Variants in ARFGEF1 observed in about 807,000 individuals in gnomAD.
ARFGEF1 encodes the protein ARF guanine nucleotide exchange factor 1.
Under a neutral mutation model 231.0 loss-of-function variants are expected in ARFGEF1, and 42 were observed. The ratio of observed to expected loss-of-function variants is 0.18; its 90% CI spans 0.14 to 0.24. ARFGEF1 has a LOEUF of 0.24. Among genes scored for constraint, ARFGEF1 ranks in the 10% least tolerant of loss-of-function variants. The pLI, the probability that ARFGEF1 is intolerant of heterozygous loss-of-function variation, is 1.00. For missense variants in ARFGEF1, 1,345 were observed against 2,192.0 expected (o/e 0.61, Z 7.72); for synonymous variants, 710 against 732.3 (o/e 0.97, Z 0.49).
chr8:67,296,824 T>A (rs1283983398), intron 4 of ARFGEF1, among the ~76,000 whole-genome samples: 2 of 151,858 alleles, frequency 1.3e-5, no homozygotes, highest in Non-Finnish European at 2.9e-5. Flanking sequence ...CTAATTTTGT[T>A]TTATTTTTCT....
chr8:67,257,647 A>G, intron 17 of ARFGEF1, 85 bp downstream of exon 17: 1 of 1,153,452 alleles, frequency 8.7e-7, no homozygotes, highest in Non-Finnish European at 1.3e-6. Flanking sequence ...AATAAAACTA[A>G]AATTTCAACT....
chr8:67,315,060 A>G (rs774847548), intron 1 of ARFGEF1, among the ~76,000 whole-genome samples: 2 of 152,168 alleles, frequency 1.3e-5, no homozygotes, highest in African/African-American at 2.4e-5. Flanking sequence ...CCTATATGAT[A>G]TAGTAGGATG....
At chr8:67,319,087 G>T (rs1172410712) in intron 1 of ARFGEF1, among the ~76,000 whole-genome samples, 2 of 151,972 alleles carry the variant, frequency 1.3e-5, no homozygotes. Context: ...AAAGATCAAA[G>T]AACTAAAAAA....
In ARFGEF1 at chr8:67,227,656, T is replaced by C. The variant is rs1288858743; in HGVS notation, c.3592-58A>G. The C allele has an allele frequency of 4.5e-6, 7 of 1,551,700 alleles. No homozygotes were observed. The Admixed American group carries it at 1.1e-4, about 25-fold the overall frequency. Reference sequence around the variant, plus strand: ...TAATATCAGCAGTAAAAATCTACAATTCTTTATTTTTTGTTTTAGAAAAAG... The same window carrying C: ...TAATATCAGCAGTAAAAATCTACAACTCTTTATTTTTTGTTTTAGAAAAAG... On this transcript the variant is annotated intron_variant, in intron 25 of 38. Transcript: ENST00000262215.
In ARFGEF1 at chr8:67,328,682, G is replaced by T. The variant is rs1044041593; in HGVS notation, c.124+14482C>A. Among the ~76,000 whole-genome samples, 6 of 152,240 alleles carry T rather than the reference G, an allele frequency of 3.9e-5. No homozygotes were observed. In the East Asian group the frequency reaches 1.2e-3, roughly 29 times the overall value. On this transcript the variant is annotated intron_variant, in intron 1 of 38. Coordinates refer to ENST00000262215, the MANE Select transcript of ARFGEF1 (RefSeq NM_006421.5). Reference sequence around the variant, plus strand: ...AATTTTCCCTCATTTCTGCAACATAGTGGTCATTTGTAAGGATACATCAAG... The same window carrying T: ...AATTTTCCCTCATTTCTGCAACATATTGGTCATTTGTAAGGATACATCAAG...
intron 1 of ARFGEF1, among the ~76,000 whole-genome samples, chr8:67,312,104 A>AG (rs1222828392): frequency 2.0e-5 from 3 of 152,148 alleles, no homozygotes; most frequent in Admixed American, 6.5e-5. Flanking sequence ...ACACTGCGGA[A>AG]GGCAGTGTTT....
intron 37 of ARFGEF1, among the ~76,000 whole-genome samples, chr8:67,200,802 GCTTAGTTTCAAGAGAC>G (rs1838299539): frequency 6.6e-6 from 1 of 152,270 alleles, no homozygotes; most frequent in South Asian, 2.1e-4. Flanking sequence ...CACATGCAAA[GCTTAGTTTCAAGAGAC>G]CTGGACTGGA....
At chr8:67,242,171 T>C (rs1192561584) in intron 19 of ARFGEF1, among the ~76,000 whole-genome samples, 1 of 152,164 alleles carries the variant, frequency 6.6e-6, no homozygotes, top group Non-Finnish European at 1.5e-5. Flanking sequence ...AGGCAAGGCC[T>C]AGCTGTGCTG....
chr8:67,194,630 CTTT>C (rs1837375306), downstream of ARFGEF1, among the ~76,000 whole-genome samples: 1 of 150,656 alleles, frequency 6.6e-6, no homozygotes, highest in African/African-American at 2.4e-5. Flanking sequence ...CAAACAGGAG[CTTT>C]TTGTTATTAT....
rs114612790 is a variant in ARFGEF1 at position 67,274,132 on chromosome 8, A to G, written c.1337+1844T>C. The stretch of plus-strand genomic sequence containing the variant: ...GATTAGACAACTGTCTTATGACACA[A>G]TAAGTTATACTTTTGATAGGCAAAA... On this transcript the variant is annotated intron_variant, in intron 9 of 38. Coordinates refer to ENST00000262215, the MANE Select transcript of ARFGEF1 (RefSeq NM_006421.5). 8.0e-3 allele frequency among the ~76,000 whole-genome samples: 1,218 copies of G among 152,256 alleles called. 12 individuals carry two copies. The highest frequency in any genetic ancestry group is 0.028 in the African/African-American group (1,160 of 41,548).
At chr8:67,242,839 G>A (rs1839972206) in intron 19 of ARFGEF1, among the ~76,000 whole-genome samples, 1 of 152,210 alleles carries the variant, frequency 6.6e-6, no homozygotes, top group Admixed American at 6.5e-5. Flanking sequence ...AAGCTCATGA[G>A]AGAGCCCTTG....
At chr8:67,305,100 A>G (rs142047880) in intron 1 of ARFGEF1, among the ~76,000 whole-genome samples, 70 of 152,306 alleles carry the variant, frequency 4.6e-4, no homozygotes, top group African/African-American at 1.7e-3. Context: ...ATATCAGAGG[A>G]AATGAAACAT....
At chr8:67,251,201 G>A in intron 19 of ARFGEF1, 98 bp downstream of exon 19, 2 of 1,126,764 alleles carry the variant, frequency 1.8e-6, no homozygotes, top group Non-Finnish European at 2.4e-6. Flanking sequence ...CTACACTAAT[G>A]TGTTATATCA....
In ARFGEF1 at chr8:67,224,900, T is replaced by C. The variant is rs757812493; in HGVS notation, c.4208+3A>G. The C allele has an allele frequency of 6.5e-7, 1 of 1,536,616 alleles. No homozygotes were observed. Among genetic ancestry groups the C allele is most frequent in the Non-Finnish European group, 8.8e-7 (1 of 1,141,786 alleles). On this transcript the variant is annotated splice_donor_region_variant and intron_variant, in intron 29 of 38. Coordinates refer to ENST00000262215, the MANE Select transcript of ARFGEF1 (RefSeq NM_006421.5). ...AATTTTAATTACAAATATAGATTGT[T>C]ACCTGGTTCTTACATCTAATTTGCA...
At position 67,343,454 on chromosome 8, in the gene ARFGEF1, C is replaced by T. The variant is rs1031900533; in HGVS notation, c.-167G>A. 19 of 1,358,484 alleles carry T rather than the reference C, an allele frequency of 1.4e-5. No individual in the cohort carries two copies. The highest frequency in any genetic ancestry group is 5.6e-4 in the Middle Eastern group (2 of 3,560). The allele number at this position is 1,358,484 out of a possible 1,614,324, so 84.2% of individuals were successfully genotyped here. A position where few individuals can be genotyped will look rare whatever the true frequency, so the allele number is the denominator to read the frequency against. ...TCAGGAAGGGGCGGGCGAGCGGGACCAGCCGCGGTGTCGGCGAAGGGCGTC... is the reference window on the plus strand; with the variant it reads ...TCAGGAAGGGGCGGGCGAGCGGGACTAGCCGCGGTGTCGGCGAAGGGCGTC... On this transcript the variant is annotated 5_prime_UTR_variant, in exon 1 of 39. Coordinates refer to ENST00000262215, the MANE Select transcript of ARFGEF1 (RefSeq NM_006421.5).
At chr8:67,208,629 CAA>C (rs1226322166) in intron 34 of ARFGEF1, among the ~76,000 whole-genome samples, 6 of 50,526 alleles carry the variant, frequency 1.2e-4, no homozygotes, top group East Asian at 6.7e-4. Context: ...GACTCCATCT[CAA>C]AAAAAAAAAA....
At chr8:67,254,829 A>G (rs1336630099) in intron 17 of ARFGEF1, among the ~76,000 whole-genome samples, 1 of 152,176 alleles carries the variant, frequency 6.6e-6, no homozygotes, top group Non-Finnish European at 1.5e-5. Flanking sequence ...AAAGTTTTCA[A>G]GTGTTTAACG....
chr8:67,182,269 A>G (rs1273332330), intron 5 of ARFGEF1, among the ~76,000 whole-genome samples: 1 of 151,964 alleles, frequency 6.6e-6, no homozygotes, highest in South Asian at 2.1e-4. Flanking sequence ...CAAAGTGCCA[A>G]AGTGCTGAGA....
intron 19 of ARFGEF1, among the ~76,000 whole-genome samples, chr8:67,241,804 C>G (rs1432549668): frequency 2.0e-5 from 3 of 152,088 alleles, no homozygotes; most frequent in Admixed American, 6.6e-5. Context: ...CTGAAAGGGA[C>G]ATTGAAGGGG....
Sources: gnomAD v4.1 joint callset for allele counts (sites outside exome capture counted in the v4.1 genomes callset) on GRCh38, gnomAD v4.1.1 for gene constraint, MANE v1.5 for transcripts, NCBI Gene and HGNC (gene_info 2026-07-23, HGNC 2026-07-21) for gene names.